MB21D2: variants seen among roughly 807,000 people sequenced by gnomAD.
The protein encoded by MB21D2 is nucleotidyltransferase MB21D2.
In MB21D2, 9 loss-of-function variants were observed where a neutral mutation model predicts 33.3. The observed-to-expected ratio is 0.27, with a 90% CI of 0.16 to 0.47. The LOEUF (loss-of-function observed/expected upper bound fraction) is 0.47. Among genes scored for constraint, MB21D2 ranks in the 20% least tolerant of loss-of-function variants. The pLI, the probability that MB21D2 is intolerant of heterozygous loss-of-function variation, is 0.99. For synonymous variants in MB21D2, 241 were observed against 236.3 expected (o/e 1.02, Z -0.18); for missense variants, 540 against 624.6 (o/e 0.86, Z 1.44).
chr3:192,839,194 A>G (rs1045740372), intron 1 of MB21D2, among the ~76,000 whole-genome samples: 9 of 152,220 alleles, frequency 5.9e-5, no homozygotes, highest in Non-Finnish European at 1.3e-4. Context: ...AATTACTAGC[A>G]TGCTTATAAG....
chr3:192,896,751 A>G (rs772251497), intron 1 of MB21D2, among the ~76,000 whole-genome samples: 7 of 152,224 alleles, frequency 4.6e-5, no homozygotes, highest in Non-Finnish European at 7.3e-5. Flanking sequence ...TTGGCTAGTT[A>G]CTGAGTATCT....
At chr3:192,901,413 C>CAAAA (rs71635401) in intron 1 of MB21D2, among the ~76,000 whole-genome samples, 2,407 of 100,774 alleles carry the variant, frequency 0.024, 164 homozygotes, top group African/African-American at 0.066. Flanking sequence ...ACTAAAAATT[C>CAAAA]AAAAAAAAAA....
chr3:192,836,374 T>C (rs1468455706), intron 1 of MB21D2, among the ~76,000 whole-genome samples: 2 of 152,188 alleles, frequency 1.3e-5, no homozygotes, highest in Non-Finnish European at 2.9e-5. Flanking sequence ...ATGGGCTAAG[T>C]TGTGGACTCA....
intron 1 of MB21D2, among the ~76,000 whole-genome samples, chr3:192,910,798 C>T (rs2108656130): frequency 6.6e-6 from 1 of 152,294 alleles, no homozygotes; most frequent in Non-Finnish European, 1.5e-5. Flanking sequence ...TTTTCCTTTG[C>T]ATTTTCTATC....
intron 1 of MB21D2, among the ~76,000 whole-genome samples, chr3:192,844,768 C>G (rs1712645950): frequency 6.6e-6 from 1 of 152,316 alleles, no homozygotes; most frequent in East Asian, 1.9e-4. Flanking sequence ...ACTCTTAGGG[C>G]CTGATTCCAG....
At chr3:192,862,984 A>G (rs1713084113) in intron 1 of MB21D2, among the ~76,000 whole-genome samples, 3 of 152,132 alleles carry the variant, frequency 2.0e-5, no homozygotes, top group Admixed American at 2.0e-4. Context: ...AAGGGCACTA[A>G]TCCCACTGAC....
chr3:192,799,583 G>T lies in MB21D2; in HGVS notation c.279C>A (p.Val93=). Residue 93 remains valine (V), a synonymous_variant, in exon 2 of 2, where the codon GTC becomes GTA. Coordinates refer to ENST00000392452, the MANE Select transcript of MB21D2 (RefSeq NM_178496.4). The surrounding 1 kb of genome is among the most constrained non-coding windows in gnomAD (Gnocchi z 4.1). ...ANEYLLLSGG[V]REGVVDLDLD... is the part of the protein sequence containing the mutation. ...AGTCCAGGTCCACCACGCCTTCCCG[G>T]ACACCTCCAGAGAGCAACAGGTATT... is the stretch of plus-strand genomic sequence containing the variant. 1 of 1,614,140 alleles carries T rather than the reference G, an allele frequency of 6.2e-7. No individual in the cohort carries two copies. The highest frequency in any genetic ancestry group is 8.5e-7 in the Non-Finnish European group (1 of 1,180,030).
chr3:192,849,722 A>G (rs1007618040), intron 1 of MB21D2, among the ~76,000 whole-genome samples: 5 of 152,136 alleles, frequency 3.3e-5, no homozygotes, highest in Admixed American at 6.5e-5. Context: ...AAAAAAAACT[A>G]TATTTATTTA....
At chr3:192,914,055 A>AT (rs1310067297) in intron 1 of MB21D2, among the ~76,000 whole-genome samples, 2 of 152,160 alleles carry the variant, frequency 1.3e-5, no homozygotes, top group Non-Finnish European at 2.9e-5. Context: ...GAAAGAAGTG[A>AT]TTTTTTAAAA....
intron 1 of MB21D2, among the ~76,000 whole-genome samples, chr3:192,853,178 C>G (rs755179094): frequency 6.6e-6 from 1 of 152,164 alleles, no homozygotes; most frequent in Non-Finnish European, 1.5e-5. Flanking sequence ...ACTCCTTAAC[C>G]TGGTCTTTGA....
At chr3:192,887,213 C>T (rs891251624) in intron 1 of MB21D2, among the ~76,000 whole-genome samples, 3 of 152,112 alleles carry the variant, frequency 2.0e-5, no homozygotes, top group Admixed American at 2.0e-4. Context: ...GTGATGTCAT[C>T]GTAGCTCACT....
At chr3:192,903,384 G>A (rs1033391840) in intron 1 of MB21D2, among the ~76,000 whole-genome samples, 1 of 152,224 alleles carries the variant, frequency 6.6e-6, no homozygotes, top group Admixed American at 6.5e-5. Context: ...CCTAATTTTC[G>A]AGTTTCCTGG....
intron 1 of MB21D2, among the ~76,000 whole-genome samples, chr3:192,837,373 G>A (rs771183917): frequency 3.9e-5 from 6 of 152,060 alleles, no homozygotes; most frequent in South Asian, 2.1e-4. Context: ...TCTCCGTCTC[G>A]GCTCCTGGTC....
At chr3:192,898,382 C>T (rs894828198) in intron 1 of MB21D2, among the ~76,000 whole-genome samples, 4 of 151,934 alleles carry the variant, frequency 2.6e-5, no homozygotes, top group African/African-American at 7.3e-5. Flanking sequence ...AAGAAATTCT[C>T]ATATTTAGAA....
intron 1 of MB21D2, among the ~76,000 whole-genome samples, chr3:192,871,843 G>A (rs1577190891): frequency 6.6e-6 from 1 of 152,102 alleles, no homozygotes; most frequent in Non-Finnish European, 1.5e-5. Context: ...TTTGCAGCAA[G>A]GGGGGTGAGG....
intron 1 of MB21D2, among the ~76,000 whole-genome samples, chr3:192,897,727 C>T (rs566267936): frequency 5.3e-5 from 8 of 152,160 alleles, no homozygotes; most frequent in Non-Finnish European, 1.2e-4. Flanking sequence ...CATGGTGGCT[C>T]ACACCTGTAA....
chr3:192,840,415 C>CTTTTTTTTTTTTTTTTTTTTTTTTT (rs71177380), intron 1 of MB21D2, among the ~76,000 whole-genome samples: 3 of 88,290 alleles, frequency 3.4e-5, no homozygotes, highest in Non-Finnish European at 6.2e-5. Context: ...TCTCTTTTTT[C>CTTTTTTTTTTTTTTTTTTTTTTTTT]TTTTTTTTTT....
At chr3:192,825,262 T>G (rs1354667527) in intron 1 of MB21D2, among the ~76,000 whole-genome samples, 3 of 152,206 alleles carry the variant, frequency 2.0e-5, no homozygotes, top group African/African-American at 7.2e-5. Flanking sequence ...ACACAGTAAT[T>G]GGCACATGGT....
At chr3:192,809,111 T>C (rs1054803978) in intron 1 of MB21D2, among the ~76,000 whole-genome samples, 2 of 152,172 alleles carry the variant, frequency 1.3e-5, no homozygotes, top group Admixed American at 6.5e-5. Flanking sequence ...TTCCCTTTTT[T>C]TTTGACATGG....
Sources: allele counts gnomAD v4.1 joint callset (sites outside exome capture counted in the v4.1 genomes callset), GRCh38; gene constraint gnomAD v4.1.1; non-coding constraint Gnocchi (gnomAD v3.1); transcripts MANE v1.5; gene names NCBI Gene and HGNC (gene_info 2026-07-23, HGNC 2026-07-21).